The following NPTX1 variants were observed in gnomAD, a reference collection of about 807,000 sequenced individuals.
NPTX1 encodes neuronal pentraxin 1.
A neutral mutation model predicts 38.7 loss-of-function variants in NPTX1; 12 were observed. That is an observed-to-expected ratio of 0.31 (90% confidence interval 0.20 to 0.50). The LOEUF is 0.50. Among genes scored for constraint, NPTX1 ranks in the 20% least tolerant of loss-of-function variants. The probability of loss-of-function intolerance (pLI) is 0.98; values close to 1 mark genes in which losing one functional copy is unlikely to be tolerated. For missense variants in NPTX1, 454 were observed against 592.2 expected (o/e 0.77, Z 2.42); for synonymous variants, 272 against 264.9 (o/e 1.03, Z -0.26).
Position 80,476,242 on chromosome 17 carries a change from T to G in NPTX1, c.205A>C (p.Lys69Gln), listed in dbSNP as rs367787289. Residue 69 changes from lysine (K) to glutamine (Q), a missense_variant, in exon 1 of 5, where the codon AAG becomes CAG. This residue lies in a region of NPTX1 where 288 missense variants were observed against 318.4 expected (regional missense o/e 0.90). Transcript: ENST00000306773. The surrounding 1 kb of genome is among the most constrained non-coding windows in gnomAD (Gnocchi z 6.3). The part of the protein sequence containing the change: ...LQLRETVLQQ[K>Q]ETILSQKETI... Reference sequence around the variant, plus strand: ...TCCTTCTGGCTCAGGATGGTCTCCTTCTGCTGCAGCACCGTCTCGCGGAGC... The same window carrying G: ...TCCTTCTGGCTCAGGATGGTCTCCTGCTGCTGCAGCACCGTCTCGCGGAGC... 3.1e-5 allele frequency: 48 copies of G among 1,570,016 alleles called. No individual in the cohort carries two copies. Among genetic ancestry groups the G allele is most frequent in the Non-Finnish European group, 3.9e-5 (46 of 1,165,908 alleles).
At position 80,467,080 on chromosome 17, in the gene NPTX1, A is replaced by G. The variant is rs1210197317; in HGVS notation, c.*3733T>C. On this transcript the variant is annotated 3_prime_UTR_variant, in exon 5 of 5. Transcript: ENST00000306773. ...GTGAGATACATCGATTCTCTTTCAT[A>G]TTATACAGTATATACATTATAACAA... 6.9e-6 allele frequency: 1 copy of G among 144,182 alleles called. No homozygotes were observed. Among genetic ancestry groups the G allele is most frequent in the Non-Finnish European group, 1.5e-5 (1 of 66,564 alleles). 8.9% of individuals were successfully genotyped at this position (144,182 alleles called of 1,614,324 possible).
chr17:80,475,445 CG>C lies in NPTX1; in HGVS notation c.652+65del, dbSNP rs931367097. 2.2e-6 allele frequency: 3 copies of C among 1,359,240 alleles called. No individual in the cohort carries two copies. Among genetic ancestry groups the C allele is most frequent in the African/African-American group, 1.4e-5 (1 of 70,456 alleles). The allele number at this position is 1,359,240 out of a possible 1,614,324, so 84.2% of individuals were successfully genotyped here. ...AGTGCAGAGCTGGGCTGTTAGGGATCGGGACCGAGGCAGGGTCGGGCAAGCA... is the reference window on the plus strand; with the variant it reads ...AGTGCAGAGCTGGGCTGTTAGGGATCGGACCGAGGCAGGGTCGGGCAAGCA... On this transcript the variant is annotated intron_variant, in intron 2 of 4. Transcript: ENST00000306773. This position sits in a 1 kb window ranked among gnomAD's most constrained non-coding sequence, Gnocchi z 6.5.
At position 80,473,356 on chromosome 17, in the gene NPTX1, C is replaced by A. The variant is rs1467163802; in HGVS notation, c.741G>T (p.Leu247=). The A allele has an allele frequency of 3.7e-6, 6 of 1,613,978 alleles. No homozygotes were observed. The highest frequency in any genetic ancestry group is 1.1e-5 in the South Asian group (1 of 91,090). The change falls in exon 3 of 5, where the codon CTG becomes CTT. Residue 247 remains leucine, a synonymous_variant. Coordinates refer to ENST00000306773, the MANE Select transcript of NPTX1 (RefSeq NM_002522.4). ...AGACAGTGAAGGCGTACATCTCTGG[C>A]AGGCTCTTCTTCACCTTGGCATACA... ...NYMYAKVKKS[L]PEMYAFTVCM...
chr17:80,470,800 T>A lies in NPTX1; in HGVS notation c.*13A>T, dbSNP rs1436590874. The A allele has an allele frequency of 6.4e-7, 1 of 1,557,604 alleles. No individual in the cohort carries two copies. The highest frequency in any genetic ancestry group is 1.7e-5 in the Admixed American group (1 of 58,118). On this transcript the variant is annotated 3_prime_UTR_variant, in exon 5 of 5. Coordinates refer to ENST00000306773, the MANE Select transcript of NPTX1 (RefSeq NM_002522.4). ...GGGGCGAGGGCGGGCGGGCTCAGCC[T>A]GGCCTGCCGTGCTCAGTTGATCTGG... is the stretch of plus-strand genomic sequence containing the variant.
chr17:80,471,060 G>C, intron 4 of NPTX1, 26 bp from the exon 5 acceptor site: 1 of 1,549,354 alleles, frequency 6.5e-7, no homozygotes, highest in Non-Finnish European at 8.8e-7. Context: ...GAGGATGAGA[G>C]TGGAGGGGTC....
chr17:80,474,800 A>ACCCCAC (rs2083867462), intron 2 of NPTX1: 1 of 114,706 alleles, frequency 8.7e-6, no homozygotes, highest in Non-Finnish European at 2.0e-5. Flanking sequence ...CGCACCGGGC[A>ACCCCAC]CCCCCCCCCC....
Position 80,470,736 on chromosome 17 carries a change from A to G in NPTX1, c.*77T>C. 2.0e-6 allele frequency: 2 copies of G among 1,021,324 alleles called. No homozygotes were observed. The highest frequency in any genetic ancestry group is 2.1e-5 in the Admixed American group (1 of 47,236). The allele number at this position is 1,021,324 out of a possible 1,614,324, so 63.3% of individuals were successfully genotyped here. A position where few individuals can be genotyped will look rare whatever the true frequency, so the allele number is the denominator to read the frequency against. On this transcript the variant is annotated 3_prime_UTR_variant, in exon 5 of 5. Coordinates refer to ENST00000306773, the MANE Select transcript of NPTX1 (RefSeq NM_002522.4). ...CGGTTCATTCCTGGGGAAAAGGGAG[A>G]GAAGAGACGCACAAAACAGATCATC...
intron 3 of NPTX1, 95 bp from the exon 4 acceptor site, chr17:80,472,006 G>A: frequency 8.9e-7 from 1 of 1,129,714 alleles, no homozygotes; most frequent in Non-Finnish European, 1.2e-6. Context: ...ATCTCTACTT[G>A]CAAAGTAAAT....
Position 80,475,456 on chromosome 17 carries a change from C to T in NPTX1, c.652+55G>A, listed in dbSNP as rs2083873908. On this transcript the variant is annotated intron_variant, in intron 2 of 4. Coordinates refer to ENST00000306773, the MANE Select transcript of NPTX1 (RefSeq NM_002522.4). The surrounding 1 kb of genome is among the most constrained non-coding windows in gnomAD (Gnocchi z 6.5). ...GGGCTGTTAGGGATCGGGACCGAGGCAGGGTCGGGCAAGCAGGTGCAGGCA... is the reference window on the plus strand; with the variant it reads ...GGGCTGTTAGGGATCGGGACCGAGGTAGGGTCGGGCAAGCAGGTGCAGGCA... 6.9e-7 allele frequency: 1 copy of T among 1,445,722 alleles called. No homozygotes were observed. The highest frequency in any genetic ancestry group is 9.5e-7 in the Non-Finnish European group (1 of 1,051,322). 89.6% of individuals were successfully genotyped at this position (1,445,722 alleles called of 1,614,324 possible).
At chr17:80,474,257 C>A (rs9915924) in intron 2 of NPTX1, 85,656 of 151,950 alleles carry the variant, frequency 0.56, 26,401 homozygotes, top group African/African-American at 0.84. Context: ...CCACTTCTCC[C>A]GTAAGCGCCA....
Position 80,470,883 on chromosome 17 carries a change from G to A in NPTX1, c.1229C>T (p.Ala410Val). ...KALSGNVIAW[A>V]ESHIEIYGGA... Reference sequence around the variant, plus strand: ...TCCGTAGATCTCGATGTGGGATTCAGCCCAGGCGATGACATTGCCGGACAG... The same window carrying A: ...TCCGTAGATCTCGATGTGGGATTCAACCCAGGCGATGACATTGCCGGACAG... The change falls in exon 5 of 5, where the codon GCT becomes GTT. Residue 410 changes from alanine (A) to valine (V), a missense_variant. Physicochemically the swap from Ala to Val is moderately conservative, Grantham distance 64. Transcript: ENST00000306773. 1 of 1,612,328 alleles carries A rather than the reference G, an allele frequency of 6.2e-7. No individual in the cohort carries two copies. The highest frequency in any genetic ancestry group is 1.1e-5 in the South Asian group (1 of 91,048).
chr17:80,472,199 T>A (rs1371937477), intron 3 of NPTX1, among the ~76,000 whole-genome samples: 1 of 152,010 alleles, frequency 6.6e-6, no homozygotes, highest in Non-Finnish European at 1.5e-5. Context: ...TCTTTGCTAG[T>A]CTACACAACA....
At position 80,476,299 on chromosome 17, in the gene NPTX1, C is replaced by A; in HGVS notation, c.148G>T (p.Gly50Cys). 1 of 1,557,942 alleles carries A rather than the reference C, an allele frequency of 6.4e-7. No homozygotes were observed. The highest frequency in any genetic ancestry group is 1.4e-5 in the African/African-American group (1 of 73,388). ...DMCAASVAAG[G>C]AEELRSSVLQ... is the part of the protein sequence containing the mutation. ...ACGCTGCTCCGGAGCTCCTCGGCGC[C>A]GCCGGCGGCCACGGACGCGGCGCAC... The change falls in exon 1 of 5, where the codon GGC becomes TGC. Residue 50 changes from glycine to cysteine, a missense_variant. Gly to Cys is a radical substitution (Grantham distance 159). Around this residue, in one of 4 missense-constraint regions of NPTX1, gnomAD observed 288 missense variants for 318.4 expected, o/e 0.90. Coordinates refer to ENST00000306773, the MANE Select transcript of NPTX1 (RefSeq NM_002522.4). This position sits in a 1 kb window ranked among gnomAD's most constrained non-coding sequence, Gnocchi z 6.3.
In NPTX1 at chr17:80,475,266, G is replaced by T. The variant is rs887284805; in HGVS notation, c.652+245C>A. Among the ~76,000 whole-genome samples the T allele has an allele frequency of 1.3e-5, 2 of 152,080 alleles. No homozygotes were observed. The highest frequency in any genetic ancestry group is 4.1e-4 in the South Asian group (2 of 4,822). ...TGAGTGTGTCTGGATGGGGGAGGGG[G>T]CACTATGCAATCCCCTTTCCCAGAG... On this transcript the variant is annotated intron_variant, in intron 2 of 4. Transcript: ENST00000306773. The surrounding 1 kb of genome is among the most constrained non-coding windows in gnomAD (Gnocchi z 6.5).
chr17:80,471,927 ACAGACGC>A lies in NPTX1; in HGVS notation c.898-23_898-17del, dbSNP rs1193150835. The A allele has an allele frequency of 2.5e-6, 4 of 1,603,678 alleles. No individual in the cohort carries two copies. Among genetic ancestry groups the A allele is most frequent in the Non-Finnish European group, 3.4e-6 (4 of 1,174,784 alleles). Reference sequence around the variant, plus strand: ...ACTTGGCCACCTGGGAAGGAGAATGACAGACGCCAGCTGGTGAGTACAGGGGTACAGC... The same window carrying A: ...ACTTGGCCACCTGGGAAGGAGAATGACAGCTGGTGAGTACAGGGGTACAGC... On this transcript the variant is annotated splice_polypyrimidine_tract_variant and intron_variant, in intron 3 of 4. Coordinates refer to ENST00000306773, the MANE Select transcript of NPTX1 (RefSeq NM_002522.4).
chr17:80,473,532 T>C, intron 2 of NPTX1, 88 bp from the exon 3 acceptor site: 2 of 1,384,018 alleles, frequency 1.4e-6, no homozygotes, highest in South Asian at 1.3e-5. Context: ...AGCTCTGTGA[T>C]GCGTGGCCAG....
Position 80,475,567 on chromosome 17 carries a change from A to G in NPTX1, c.596T>C (p.Val199Ala), listed in dbSNP as rs375303530. The G allele has an allele frequency of 4.3e-5, 70 of 1,612,204 alleles. No individual in the cohort carries two copies. Among genetic ancestry groups the G allele is most frequent in the Non-Finnish European group, 5.8e-5 (69 of 1,179,816 alleles). The change falls in exon 2 of 5, where the codon GTC (valine) becomes GCC (alanine). Residue 199 changes from valine (V) to alanine (A), a missense_variant. Physicochemically the swap from Val to Ala is moderately conservative, Grantham distance 64. Coordinates refer to ENST00000306773, the MANE Select transcript of NPTX1 (RefSeq NM_002522.4). The surrounding 1 kb of genome is among the most constrained non-coding windows in gnomAD (Gnocchi z 6.5). ...GGAGGTCAGGGCGGTCTCGATCTTGACCCTCTCCTCGGTGTCGTTCCTGGG... is the reference window on the plus strand; with the variant it reads ...GGAGGTCAGGGCGGTCTCGATCTTGGCCCTCTCCTCGGTGTCGTTCCTGGG... ...GGPRNDTEER[V>A]KIETALTSLH...
At chr17:80,471,087 G>C in intron 4 of NPTX1, 53 bp from the exon 5 acceptor site, 1 of 1,408,612 alleles carries the variant, frequency 7.1e-7, no homozygotes, top group Middle Eastern at 2.0e-4. Flanking sequence ...TGGTCTGGGG[G>C]CCCATCCCTA....
chr17:80,469,016 A>C lies in NPTX1; in HGVS notation c.*1797T>G, dbSNP rs1378416850. On this transcript the variant is annotated 3_prime_UTR_variant, in exon 5 of 5. Coordinates refer to ENST00000306773, the MANE Select transcript of NPTX1 (RefSeq NM_002522.4). ...CCCCTCTGCGGGAGTGATGCATTGCAGAACGGCGGCCGGGTACCGTGCAGA... is the reference window on the plus strand; with the variant it reads ...CCCCTCTGCGGGAGTGATGCATTGCCGAACGGCGGCCGGGTACCGTGCAGA... 3 of 152,334 alleles carry C rather than the reference A, an allele frequency of 2.0e-5. No homozygotes were observed. Among genetic ancestry groups the C allele is most frequent in the African/African-American group, 4.8e-5 (2 of 41,474 alleles). The allele number at this position is 152,334 out of a possible 1,614,324, so 9.4% of individuals were successfully genotyped here.
Sources: gnomAD v4.1 joint callset for allele counts (sites outside exome capture counted in the v4.1 genomes callset) on GRCh38, gnomAD v4.1.1 for gene constraint, gnomAD v4.1.1 regional missense constraint, Gnocchi (gnomAD v3.1) non-coding constraint, MANE v1.5 for transcripts, NCBI Gene and HGNC (gene_info 2026-07-23, HGNC 2026-07-21) for gene names.